Variants in ARAP1 observed in about 807,000 individuals in gnomAD.
ARAP1 encodes the protein arf-GAP with Rho-GAP domain, ANK repeat and PH domain-containing protein 1.
Under a neutral mutation model 172.2 loss-of-function variants are expected in ARAP1, and 76 were observed. The ratio of observed to expected loss-of-function variants is 0.44; its 90% CI spans 0.37 to 0.53. The LOEUF is 0.53. Among genes scored for constraint, ARAP1 ranks in the 20% least tolerant of loss-of-function variants. The pLI, the probability that ARAP1 is intolerant of heterozygous loss-of-function variation, is 0.00. For missense variants in ARAP1, 1,686 were observed against 1,977.5 expected, an observed-to-expected ratio of 0.85 and a Z score of 2.80; for synonymous variants, 804 against 803.3, an observed-to-expected ratio of 1.00 and a Z score of -0.01.
intron 1 of ARAP1, among the ~76,000 whole-genome samples, chr11:72,740,536 C>A (rs1412232599): frequency 6.6e-6 from 1 of 152,140 alleles, no homozygotes; most frequent in African/African-American, 2.4e-5. Context: ...TCCCCAAAAC[C>A]ATCATTATAA....
chr11:72,729,160 C>G (rs540222290), intron 2 of ARAP1, among the ~76,000 whole-genome samples: 2 of 152,260 alleles, frequency 1.3e-5, no homozygotes, highest in African/African-American at 4.8e-5. Context: ...TAAAAGTAGC[C>G]TCTCAAACTT....
At position 72,699,265 on chromosome 11, in the gene ARAP1, G is replaced by T; in HGVS notation, c.2438+152C>A. ...GGTGGTGGAAAAGTCTTGGGCTGGG[G>T]CCTCAAGAGACTGGAGTCGGCCCTT... On this transcript the variant is annotated intron_variant, in intron 17 of 34. Transcript: ENST00000393609. The surrounding 1 kb of genome is among the most constrained non-coding windows in gnomAD (Gnocchi z 4.2). The T allele has an allele frequency of 2.2e-6, 3 of 1,384,078 alleles. No homozygotes were observed. The highest frequency in any genetic ancestry group is 9.9e-7 in the Non-Finnish European group (1 of 1,012,046). The allele number at this position is 1,384,078 out of a possible 1,614,324, so 85.7% of individuals were successfully genotyped here.
rs143696763 is a variant in ARAP1, at chr11:72,730,990, G to A, written c.-45+1525C>T. On this transcript the variant is annotated intron_variant, in intron 2 of 34. Transcript: ENST00000393609. ...CACTGTTAAAGGAGTAAAGAAAAGT[G>A]CAGAACAGTTTGTGTAACATTCTCT... is the stretch of plus-strand genomic sequence containing the variant. 2.7e-3 allele frequency among the ~76,000 whole-genome samples: 416 copies of A among 152,314 alleles called. 1 individual carries two copies. Among genetic ancestry groups the A allele is most frequent in the African/African-American group, 9.5e-3 (393 of 41,560 alleles).
chr11:72,702,863 C>T (rs1406873394), intron 15 of ARAP1, 42 bp downstream of exon 15: 2 of 1,547,080 alleles, frequency 1.3e-6, no homozygotes, highest in Non-Finnish European at 1.7e-6. Flanking sequence ...CCCCACCAGG[C>T]ACTGCACAGC....
intron 1 of ARAP1, among the ~76,000 whole-genome samples, chr11:72,749,523 C>T (rs1390547941): frequency 6.6e-6 from 1 of 152,166 alleles, no homozygotes. Context: ...TGCTCTTATG[C>T]AATTATGTAA....
intron 3 of ARAP1, among the ~76,000 whole-genome samples, chr11:72,724,616 A>T (rs1438843037): frequency 3.9e-5 from 6 of 152,068 alleles, no homozygotes; most frequent in African/African-American, 1.2e-4. Context: ...ATCTGCTGTG[A>T]GTTTTTCCTA....
intron 18 of ARAP1, among the ~76,000 whole-genome samples, chr11:72,698,646 C>T (rs868613329): frequency 1.3e-5 from 2 of 152,188 alleles, no homozygotes; most frequent in African/African-American, 2.4e-5. Flanking sequence ...GGCCTCCCTG[C>T]CTCTTCCCTC....
Position 72,704,281 on chromosome 11 carries a change from C to T in ARAP1, c.1863G>A (p.Val621=). The change falls in exon 14 of 35, where the codon GTG becomes GTA. Residue 621 remains valine (V), a synonymous_variant. Transcript: ENST00000393609. The part of the protein sequence containing the change: ...GAGNRFWAAN[V]PPSEALQPSS... ...TGGGCTGCAGGGCCTCACTGGGGGG[C>T]ACGTTGGCTGCCCAGAAGCGGTTCC... 6.2e-7 allele frequency: 1 copy of T among 1,611,846 alleles called. No homozygotes were observed. Among genetic ancestry groups the T allele is most frequent in the Non-Finnish European group, 8.5e-7 (1 of 1,178,982 alleles).
Position 72,701,743 on chromosome 11 carries a change from G to A in ARAP1, c.2208C>T (p.His736=). 1 of 1,613,996 alleles carries A rather than the reference G, an allele frequency of 6.2e-7. No homozygotes were observed. The highest frequency in any genetic ancestry group is 2.2e-5 in the East Asian group (1 of 44,878). ...RLDSMKPLEK[H]YSVVLPTVSH... is the part of the protein sequence containing the mutation. ...TCACGGTCGGCAGGACAACTGAGTA[G>A]TGCTTTTCCAGGGGCTTCATCGAGT... is the stretch of plus-strand genomic sequence containing the variant. Residue 736 remains histidine, a synonymous_variant, in exon 16 of 35, where the codon CAC becomes CAT. Coordinates refer to ENST00000393609, the MANE Select transcript of ARAP1 (RefSeq NM_001040118.3).
chr11:72,740,896 A>T (rs7128364), intron 1 of ARAP1, among the ~76,000 whole-genome samples: 2 of 151,904 alleles, frequency 1.3e-5, no homozygotes, highest in Non-Finnish European at 2.9e-5. Flanking sequence ...CTTAAGCCTC[A>T]CCCAGGGGCC....
chr11:72,713,170 C>T lies in ARAP1; in HGVS notation c.747+6G>A, dbSNP rs1054304065. 6 of 1,613,738 alleles carry T rather than the reference C, an allele frequency of 3.7e-6. No homozygotes were observed. Among genetic ancestry groups the T allele is most frequent in the Admixed American group, 1.7e-5 (1 of 59,980 alleles). On this transcript the variant is annotated splice_donor_region_variant and intron_variant, in intron 5 of 34. Coordinates refer to ENST00000393609, the MANE Select transcript of ARAP1 (RefSeq NM_001040118.3). ...GACAGGCAGACAGTCCCATGCCTGGCCCCACCTTCTTGGTCATCACTCTGG... is the reference window on the plus strand; with the variant it reads ...GACAGGCAGACAGTCCCATGCCTGGTCCCACCTTCTTGGTCATCACTCTGG...
Position 72,699,112 on chromosome 11 carries a change from A to G in ARAP1, c.2439-5T>C. 6.2e-7 allele frequency: 1 copy of G among 1,614,024 alleles called. No individual in the cohort carries two copies. Among genetic ancestry groups the G allele is most frequent in the Non-Finnish European group, 8.5e-7 (1 of 1,179,972 alleles). On this transcript the variant is annotated splice_polypyrimidine_tract_variant and splice_region_variant and intron_variant, in intron 17 of 34. Coordinates refer to ENST00000393609, the MANE Select transcript of ARAP1 (RefSeq NM_001040118.3). The surrounding 1 kb of genome is among the most constrained non-coding windows in gnomAD (Gnocchi z 4.2). ...ACCTCAAAGGTGTGCTCAAAGCTGC[A>G]AATACACAGGCCAGGACTCAGGCCC...
rs1857653690 is a variant in ARAP1, at chr11:72,725,314, CTCTCTT to C, written c.509+1300_509+1305del. Among the ~76,000 whole-genome samples, 1 of 151,718 alleles carries C rather than the reference CTCTCTT, an allele frequency of 6.6e-6. No homozygotes were observed. Among genetic ancestry groups the C allele is most frequent in the South Asian group, 2.1e-4 (1 of 4,790 alleles). ...TTCTAACCTCTCTCTCTCTCTCTCT[CTCTCTT>C]TTTCTCTCTCTCTCTCCCCCCCACA... On this transcript the variant is annotated intron_variant, in intron 3 of 34. Transcript: ENST00000393609. The surrounding 1 kb of genome is among the most constrained non-coding windows in gnomAD (Gnocchi z 4.3).
At chr11:72,731,697 T>C (rs1289070469) in intron 2 of ARAP1, among the ~76,000 whole-genome samples, 1 of 152,194 alleles carries the variant, frequency 6.6e-6, no homozygotes, top group East Asian at 1.9e-4. Flanking sequence ...CATGACCACA[T>C]GCACACACTG....
chr11:72,701,580 C>G, intron 16 of ARAP1, 69 bp downstream of exon 16: 2 of 1,553,892 alleles, frequency 1.3e-6, no homozygotes, highest in Non-Finnish European at 1.7e-6. Context: ...CTGGCCAGCC[C>G]TGGCTTCCCT....
chr11:72,697,950 A>G lies in ARAP1; in HGVS notation c.2698T>C (p.Cys900Arg), dbSNP rs1261832168. Reference protein sequence around the residue: ...ELRAVFPEGPCEEPLQLRKLQ... With the variant: ...ELRAVFPEGPREEPLQLRKLQ... ...TTCCGTAGTTGCAGCGGCTCTTCGC[A>G]GGGCCCCTCCGGGAAGACAGCACGG... The change falls in exon 19 of 35, where the codon TGC becomes CGC. Residue 900 changes from cysteine to arginine, a missense_variant. By Grantham distance (180) the Cys-to-Arg change is radical (BLOSUM62 -3). Around this residue, in one of 5 missense-constraint regions of ARAP1, gnomAD observed 274 missense variants for 262.7 expected, o/e 1.04. Coordinates refer to ENST00000393609, the MANE Select transcript of ARAP1 (RefSeq NM_001040118.3). 6.2e-7 allele frequency: 1 copy of G among 1,610,854 alleles called. No homozygotes were observed.
intron 30 of ARAP1, among the ~76,000 whole-genome samples, chr11:72,692,093 C>A (rs1855959097): frequency 6.6e-6 from 1 of 152,138 alleles, no homozygotes; most frequent in Non-Finnish European, 1.5e-5. Flanking sequence ...TGCTGCAGGG[C>A]ATCTATGCTC....
chr11:72,700,952 C>T (rs12274620), intron 16 of ARAP1, among the ~76,000 whole-genome samples: 76,296 of 151,966 alleles, frequency 0.5, 19,310 homozygotes, highest in Non-Finnish European at 0.54. Flanking sequence ...GAGCCAAGAT[C>T]GCGCCATTGC....
rs1346871932 is a variant in ARAP1, at chr11:72,699,369, G to A, written c.2438+48C>T. ...CTATTTCCCTGTCTCCCCAGTGGGG[G>A]ATTGTACCTTATAGCAACCACAGTC... On this transcript the variant is annotated intron_variant, in intron 17 of 34. Transcript: ENST00000393609. This position sits in a 1 kb window ranked among gnomAD's most constrained non-coding sequence, Gnocchi z 4.2. The A allele has an allele frequency of 1.2e-6, 2 of 1,612,084 alleles. No individual in the cohort carries two copies. The highest frequency in any genetic ancestry group is 1.7e-6 in the Non-Finnish European group (2 of 1,179,016).
Sources: allele counts gnomAD v4.1 joint callset (sites outside exome capture counted in the v4.1 genomes callset), GRCh38; gene constraint gnomAD v4.1.1; regional missense constraint gnomAD v4.1.1; non-coding constraint Gnocchi (gnomAD v3.1); transcripts MANE v1.5; gene names NCBI Gene and HGNC (gene_info 2026-07-23, HGNC 2026-07-21).